SLAMF7: variants seen among roughly 807,000 people sequenced by gnomAD.
SLAMF7 encodes 19A24 protein.
In SLAMF7, 26 loss-of-function variants were observed where a neutral mutation model predicts 34.1. The observed-to-expected ratio is 0.76, with a 90% confidence interval of 0.56 to 1.06. SLAMF7 has a LOEUF of 1.06. Among genes scored for constraint, SLAMF7 ranks in the 50% least tolerant of loss-of-function variants. The pLI is 0.00. For synonymous variants in SLAMF7, 171 were observed against 156.4 expected (o/e 1.09, Z -0.70); for missense variants, 399 against 402.5 (o/e 0.99, Z 0.07).
Position 160,749,999 on chromosome 1 carries a change from A to ATGG in SLAMF7, c.556_558dup (p.Trp186dup). 1 of 1,614,056 alleles carries ATGG rather than the reference A, an allele frequency of 6.2e-7. No homozygotes were observed. Among genetic ancestry groups the ATGG allele is most frequent in the Non-Finnish European group, 8.5e-7 (1 of 1,179,966 alleles). ...GGTCCATCCTCCCCATCTCCTGGAGATGGGGAGAAAGTGATATGACCTTCA... is the reference window on the plus strand; with the variant it reads ...GGTCCATCCTCCCCATCTCCTGGAGATGGTGGGGAGAAAGTGATATGACCTTCA... On this transcript the variant is annotated inframe_insertion, in exon 3 of 7. Transcript: ENST00000368043.
chr1:160,739,305 G>A lies in SLAMF7; in HGVS notation c.4G>A (p.Ala2Thr), dbSNP rs1262321561. 3.1e-6 allele frequency: 5 copies of A among 1,613,788 alleles called. No individual in the cohort carries two copies. The Admixed American group carries it at 5.0e-5, about 16-fold the overall frequency. Reference protein sequence around the residue: MAGSPTCLTLIY... With the variant: MTGSPTCLTLIY... ...TGGCTGACTTCCAGAGAGCAATATGGCTGGTTCCCCAACATGCCTCACCCT... is the reference window on the plus strand; with the variant it reads ...TGGCTGACTTCCAGAGAGCAATATGACTGGTTCCCCAACATGCCTCACCCT... The change falls in exon 1 of 7, where the codon GCT (alanine) becomes ACT (threonine). Residue 2 changes from alanine to threonine, a missense_variant. Physicochemically the swap from Ala to Thr is moderately conservative, Grantham distance 58. Transcript: ENST00000368043.
intron 1 of SLAMF7, 134 bp from the exon 2 acceptor site, chr1:160,748,060 T>C: frequency 1.2e-6 from 1 of 802,858 alleles, no homozygotes; most frequent in African/African-American, 1.7e-5. Context: ...TATATGAGGT[T>C]CCAAAGGCTT....
chr1:160,754,198 T>C lies in SLAMF7; in HGVS notation c.*1021T>C, dbSNP rs545691215. 6.6e-6 allele frequency: 1 copy of C among 152,424 alleles called. No homozygotes were observed. Among genetic ancestry groups the C allele is most frequent in the African/African-American group, 2.4e-5 (1 of 41,552 alleles). The allele number at this position is 152,424 out of a possible 1,614,324, so 9.4% of individuals were successfully genotyped here. A position where few individuals can be genotyped will look rare whatever the true frequency, so the allele number is the denominator to read the frequency against. On this transcript the variant is annotated 3_prime_UTR_variant, in exon 7 of 7. Transcript: ENST00000368043. ...CCGGCATGGTGGCTCACACCTGTAA[T>C]CCCAGCACTTTGGGAGGCCAAGGTG...
chr1:160,750,548 G>T, intron 4 of SLAMF7, 125 bp downstream of exon 4: 1 of 1,150,776 alleles, frequency 8.7e-7, no homozygotes, highest in East Asian at 2.4e-5. Flanking sequence ...AGATGAAGAA[G>T]CCACAGTCTC....
intron 6 of SLAMF7, among the ~76,000 whole-genome samples, 156 bp downstream of exon 6, chr1:160,752,404 G>C (rs905481785): frequency 1.3e-5 from 2 of 152,138 alleles, no homozygotes; most frequent in Admixed American, 6.5e-5. Flanking sequence ...GGTTATACAA[G>C]AACATGGGGG....
At chr1:160,742,147 A>C (rs1310134030) in intron 1 of SLAMF7, among the ~76,000 whole-genome samples, 6 of 152,032 alleles carry the variant, frequency 3.9e-5, no homozygotes, top group Admixed American at 2.0e-4. Context: ...CCCTCCACTC[A>C]ACTCTTGAGA....
At chr1:160,741,759 C>T (rs1383688760) in intron 1 of SLAMF7, among the ~76,000 whole-genome samples, 2 of 152,216 alleles carry the variant, frequency 1.3e-5, no homozygotes, top group Non-Finnish European at 2.9e-5. Flanking sequence ...CCAAAGGTGG[C>T]GCCATGGGGC....
intron 1 of SLAMF7, among the ~76,000 whole-genome samples, chr1:160,744,867 T>C (rs896486044): frequency 6.6e-6 from 1 of 152,180 alleles, no homozygotes; most frequent in African/African-American, 2.4e-5. Flanking sequence ...AGAATAAAAT[T>C]GATTTTGTCT....
intron 1 of SLAMF7, among the ~76,000 whole-genome samples, chr1:160,743,965 A>G (rs1047489200): frequency 6.6e-6 from 1 of 152,238 alleles, no homozygotes; most frequent in East Asian, 1.9e-4. Flanking sequence ...CTGGGATTAC[A>G]GGCATAAGCC....
chr1:160,750,654 C>T (rs1664495786), intron 4 of SLAMF7: 2 of 421,980 alleles, frequency 4.7e-6, no homozygotes, highest in East Asian at 9.5e-5. Context: ...TCCCAGTTCC[C>T]TTTCCAGGGC....
intron 1 of SLAMF7, among the ~76,000 whole-genome samples, chr1:160,742,949 C>T (rs573585601): frequency 1.1e-4 from 16 of 152,212 alleles, no homozygotes; most frequent in African/African-American, 3.1e-4. Context: ...ACTACGGAGG[C>T]GGCAGAATGG....
intron 5 of SLAMF7, chr1:160,751,858 C>CTA (rs1664638731): frequency 4.1e-4 from 15 of 36,478 alleles, no homozygotes; most frequent in East Asian, 8.3e-4. Flanking sequence ...CTCTCTCTCT[C>CTA]TCTCTATATA....
At position 160,753,380 on chromosome 1, in the gene SLAMF7, A is replaced by C; in HGVS notation, c.*203A>C. The C allele has an allele frequency of 1.8e-6, 1 of 569,770 alleles. No homozygotes were observed. The highest frequency in any genetic ancestry group is 3.1e-6 in the Non-Finnish European group (1 of 323,498). 35.3% of individuals were successfully genotyped at this position (569,770 alleles called of 1,614,324 possible). On this transcript the variant is annotated 3_prime_UTR_variant, in exon 7 of 7. Coordinates refer to ENST00000368043, the MANE Select transcript of SLAMF7 (RefSeq NM_021181.5). ...ATCCACTGCTGAGAAATCTCCTCAA[A>C]CCCAGAAGGTTTAATCACTTCATCC...
In SLAMF7 at chr1:160,747,455, G is replaced by C. The variant is rs577433990; in HGVS notation, c.56-739G>C. Among the ~76,000 whole-genome samples the C allele has an allele frequency of 2.9e-3, 445 of 152,308 alleles. 4 individuals carry two copies. The highest frequency in any genetic ancestry group is 6.8e-3 in the Middle Eastern group (2 of 294). The stretch of plus-strand genomic sequence containing the variant: ...GCACTTTGGGAGGCAGAGGCGGGCA[G>C]ATCACTTGAGGTCAGGAGTTCAAGA... On this transcript the variant is annotated intron_variant, in intron 1 of 6. Transcript: ENST00000368043.
rs1205983438 is a variant in SLAMF7 at position 160,753,614 on chromosome 1, AACAG to A, written c.*445_*448del. 5.7e-6 allele frequency: 1 copy of A among 176,162 alleles called. No homozygotes were observed. Among genetic ancestry groups the A allele is most frequent in the African/African-American group, 2.4e-5 (1 of 41,754 alleles). The allele number at this position is 176,162 out of a possible 1,614,324, so 10.9% of individuals were successfully genotyped here. A position where few individuals can be genotyped will look rare whatever the true frequency, so the allele number is the denominator to read the frequency against. On this transcript the variant is annotated 3_prime_UTR_variant, in exon 7 of 7. Transcript: ENST00000368043. ...GCTACCAGGAGGGCAAGAAGACCAA[AACAG>A]ACAGACAAGTCCAGCAGAAGCAGAT...
chr1:160,753,244 A>G lies in SLAMF7; in HGVS notation c.*67A>G, dbSNP rs564127178. On this transcript the variant is annotated 3_prime_UTR_variant, in exon 7 of 7. Coordinates refer to ENST00000368043, the MANE Select transcript of SLAMF7 (RefSeq NM_021181.5). ...AATTCTCGGCCCAAAGAAAACAATC[A>G]GAAGAATTCACTGATTTGACTAGAA... 6.9e-5 allele frequency: 94 copies of G among 1,359,776 alleles called. No homozygotes were observed. In the South Asian group the frequency reaches 1.1e-3, roughly 16 times the overall value. 84.2% of individuals were successfully genotyped at this position (1,359,776 alleles called of 1,614,324 possible). A position where few individuals can be genotyped will look rare whatever the true frequency, so the allele number is the denominator to read the frequency against.
intron 1 of SLAMF7, among the ~76,000 whole-genome samples, chr1:160,743,355 T>A (rs551407194): frequency 4.6e-4 from 70 of 152,162 alleles, no homozygotes; most frequent in African/African-American, 1.6e-3. Flanking sequence ...GAGCTGAGGA[T>A]CAGGGGAGGG....
chr1:160,745,281 A>G (rs1313305996), intron 1 of SLAMF7, among the ~76,000 whole-genome samples: 1 of 152,164 alleles, frequency 6.6e-6, no homozygotes, highest in Non-Finnish European at 1.5e-5. Context: ...CCAGAGGACA[A>G]GAAGGGAAAT....
chr1:160,739,184 T>A, upstream of SLAMF7: 1 of 883,664 alleles, frequency 1.1e-6, no homozygotes, highest in South Asian at 1.3e-5. Flanking sequence ...AATTACTCAA[T>A]CTCACATGTC....
Sources: allele counts gnomAD v4.1 joint callset (sites outside exome capture counted in the v4.1 genomes callset), GRCh38; gene constraint gnomAD v4.1.1; transcripts MANE v1.5; gene names NCBI Gene and HGNC (gene_info 2026-07-23, HGNC 2026-07-21).